KCNK2: variants seen among roughly 807,000 people sequenced by gnomAD.
KCNK2 encodes potassium two pore domain channel subfamily K member 2, also known as potassium channel subfamily K member 2.
In KCNK2, 21 loss-of-function variants were observed where a neutral mutation model predicts 40.5. The observed-to-expected ratio is 0.52, with a 90% CI of 0.37 to 0.75. The LOEUF is 0.75. KCNK2 is among the 30% of genes least tolerant of loss of function. The pLI is 0.00. For missense variants in KCNK2, 399 were observed against 531.6 expected (o/e 0.75, Z 2.45); for synonymous variants, 191 against 202.2 (o/e 0.94, Z 0.47).
chr1:215,038,059 T>G (rs1657444931), intron 1 of KCNK2, among the ~76,000 whole-genome samples: 1 of 152,006 alleles, frequency 6.6e-6, no homozygotes, highest in Admixed American at 6.6e-5. Context: ...TCAGTCTCCT[T>G]ATGTTCTCCT....
intron 2 of KCNK2, among the ~76,000 whole-genome samples, chr1:215,092,475 A>G (rs551383033): frequency 6.6e-6 from 1 of 152,188 alleles, no homozygotes; most frequent in Non-Finnish European, 1.5e-5. Context: ...CAGGAAAATG[A>G]TAGACATATA....
chr1:215,169,625 A>T (rs576265849), intron 4 of KCNK2, among the ~76,000 whole-genome samples: 2 of 139,142 alleles, frequency 1.4e-5, no homozygotes, highest in East Asian at 4.3e-4. Context: ...AATTTCTTTT[A>T]CTTTTTTCTT....
At position 215,194,848 on chromosome 1, in the gene KCNK2, T is replaced by A; in HGVS notation, c.824-105T>A. 3.4e-6 allele frequency: 3 copies of A among 881,692 alleles called. No individual in the cohort carries two copies. The Admixed American group carries it at 6.7e-5, about 20-fold the overall frequency. 54.6% of individuals were successfully genotyped at this position (881,692 alleles called of 1,614,324 possible). On this transcript the variant is annotated intron_variant, in intron 5 of 6. Transcript: ENST00000444842. ...AACTCCATTGATAAGAATACTAGATTTCTATGTTTTGCAAACCAAAATTTA... is the reference window on the plus strand; with the variant it reads ...AACTCCATTGATAAGAATACTAGATATCTATGTTTTGCAAACCAAAATTTA...
intron 1 of KCNK2, among the ~76,000 whole-genome samples, chr1:215,065,961 T>C (rs1658523520): frequency 6.6e-6 from 1 of 152,132 alleles, no homozygotes; most frequent in African/African-American, 2.4e-5. Context: ...TAAGACTGTC[T>C]CTAAAAAAAT....
At chr1:215,022,812 G>A (rs1185203711) in intron 1 of KCNK2, among the ~76,000 whole-genome samples, 1 of 152,048 alleles carries the variant, frequency 6.6e-6, no homozygotes, top group Non-Finnish European at 1.5e-5. Context: ...TGTCTAAAAT[G>A]GGAAAGAAAG....
At chr1:215,030,926 A>G (rs182057714) in intron 1 of KCNK2, among the ~76,000 whole-genome samples, 36 of 152,190 alleles carry the variant, frequency 2.4e-4, no homozygotes, top group Admixed American at 1.9e-3. Flanking sequence ...TTTATGAAGG[A>G]TGTAAGATCT....
Position 215,149,971 on chromosome 1 carries a change from A to C in KCNK2, c.476-19228A>C, listed in dbSNP as rs143946843. ...TAGGAAGCATTTAGGTATTGTTTAG[A>C]TATCCAGTGGGAATACCAGGGCTAT... On this transcript the variant is annotated intron_variant, in intron 3 of 6. Transcript: ENST00000444842. Among the ~76,000 whole-genome samples, 49 of 152,314 alleles carry C rather than the reference A, an allele frequency of 3.2e-4. No homozygotes were observed. In the East Asian group the frequency reaches 8.9e-3, roughly 28 times the overall value.
intron 3 of KCNK2, among the ~76,000 whole-genome samples, chr1:215,129,981 G>A (rs1339679108): frequency 2.0e-5 from 3 of 152,172 alleles, no homozygotes; most frequent in African/African-American, 7.2e-5. Context: ...TGATGGGAAT[G>A]TCTTCTGTTA....
At chr1:215,137,671 T>C (rs545499896) in intron 3 of KCNK2, among the ~76,000 whole-genome samples, 1 of 152,240 alleles carries the variant, frequency 6.6e-6, no homozygotes, top group Non-Finnish European at 1.5e-5. Context: ...TTCAGGTGAA[T>C]AGTCTAAATG....
intron 3 of KCNK2, among the ~76,000 whole-genome samples, chr1:215,150,053 C>G (rs140861527): frequency 6.6e-6 from 1 of 152,056 alleles, no homozygotes; most frequent in East Asian, 1.9e-4. Flanking sequence ...TAGAACTGAT[C>G]GTTATGATCT....
At chr1:215,208,634 G>A (rs1163807274) in intron 6 of KCNK2, among the ~76,000 whole-genome samples, 2 of 152,064 alleles carry the variant, frequency 1.3e-5, no homozygotes, top group Non-Finnish European at 2.9e-5. Flanking sequence ...TATCTTCTGA[G>A]AAAAATGCTA....
Position 215,032,944 on chromosome 1 carries a change from C to G in KCNK2, c.34+26989C>G, listed in dbSNP as rs573206346. Reference sequence around the variant, plus strand: ...TCTGTCATTATTGTTTCATATATGTCTCCATTTCCTTTCTTTCTTTATTCT... The same window carrying G: ...TCTGTCATTATTGTTTCATATATGTGTCCATTTCCTTTCTTTCTTTATTCT... On this transcript the variant is annotated intron_variant, in intron 1 of 6. Transcript: ENST00000391895. 3.3e-5 allele frequency among the ~76,000 whole-genome samples: 5 copies of G among 151,900 alleles called. No individual in the cohort carries two copies. The South Asian group carries it at 8.3e-4, about 25-fold the overall frequency.
intron 1 of KCNK2, among the ~76,000 whole-genome samples, chr1:215,011,951 CCTT>C (rs1656413731): frequency 6.6e-6 from 1 of 152,050 alleles, no homozygotes; most frequent in South Asian, 2.1e-4. Flanking sequence ...TTACATTCAT[CCTT>C]CTTGTTGTTG....
chr1:215,039,520 A>G (rs1320725536), intron 1 of KCNK2, among the ~76,000 whole-genome samples: 1 of 152,154 alleles, frequency 6.6e-6, no homozygotes, highest in Non-Finnish European at 1.5e-5. Flanking sequence ...AAGAGAAGTA[A>G]CTTGAAGGTA....
intron 3 of KCNK2, among the ~76,000 whole-genome samples, chr1:215,166,788 A>C (rs920711932): frequency 6.6e-6 from 1 of 152,074 alleles, no homozygotes; most frequent in African/African-American, 2.4e-5. Flanking sequence ...TAACCAATCT[A>C]GTATTGTATT....
At chr1:215,070,843 G>A (rs1426772408) in intron 1 of KCNK2, among the ~76,000 whole-genome samples, 2 of 152,192 alleles carry the variant, frequency 1.3e-5, no homozygotes, top group Non-Finnish European at 2.9e-5. Flanking sequence ...AAGATGCTAT[G>A]AGCATACATC....
chr1:215,048,654 A>G (rs937749999), intron 1 of KCNK2, among the ~76,000 whole-genome samples: 3 of 152,198 alleles, frequency 2.0e-5, no homozygotes, highest in African/African-American at 4.8e-5. Flanking sequence ...TAATATCCAG[A>G]GTAAATTGTA....
At chr1:215,062,936 G>A (rs1658407969) in intron 1 of KCNK2, among the ~76,000 whole-genome samples, 1 of 152,064 alleles carries the variant, frequency 6.6e-6, no homozygotes. Context: ...AACCAATGAG[G>A]ACATACAATA....
intron 3 of KCNK2, among the ~76,000 whole-genome samples, chr1:215,163,874 A>AT (rs1242111526): frequency 1.3e-5 from 2 of 151,832 alleles, no homozygotes; most frequent in Non-Finnish European, 2.9e-5. Flanking sequence ...ATTGGCCTGA[A>AT]TTTTTTTTGG....
Sources: allele counts gnomAD v4.1 joint callset (sites outside exome capture counted in the v4.1 genomes callset), GRCh38; gene constraint gnomAD v4.1.1; transcripts MANE v1.5; gene names NCBI Gene and HGNC (gene_info 2026-07-23, HGNC 2026-07-21).